BCAS3: variants seen among roughly 807,000 people sequenced by gnomAD.
BCAS3 encodes the protein BCAS3 microtubule associated cell migration factor.
BCAS3 carries 53 observed loss-of-function variants against 116.1 expected under a neutral mutation model. The observed-to-expected ratio is 0.46, with a 90% CI of 0.37 to 0.57. The LOEUF (loss-of-function observed/expected upper bound fraction) is 0.57, where lower values mean the gene tolerates loss of function less well. Among genes scored for constraint, BCAS3 ranks in the 20% least tolerant of loss-of-function variants. The pLI, the probability that BCAS3 is intolerant of heterozygous loss-of-function variation, is 0.00. For missense variants in BCAS3, 917 were observed against 1,165.4 expected (o/e 0.79, Z 3.10); for synonymous variants, 391 against 408.2 (o/e 0.96, Z 0.51).
chr17:60,880,462 T>C (rs1346940532), intron 9 of BCAS3, among the ~76,000 whole-genome samples: 1 of 152,082 alleles, frequency 6.6e-6, no homozygotes, highest in Non-Finnish European at 1.5e-5. Context: ...CTAATTTTTA[T>C]ATTTTTTAGT....
chr17:60,688,752 G>C (rs991905132), intron 3 of BCAS3, among the ~76,000 whole-genome samples: 7 of 151,366 alleles, frequency 4.6e-5, no homozygotes, highest in African/African-American at 1.7e-4. Flanking sequence ...GGAGGTGGAG[G>C]GTACAGTGAG....
intron 14 of BCAS3, among the ~76,000 whole-genome samples, chr17:60,952,507 A>G (rs2145269135): frequency 6.6e-6 from 1 of 151,894 alleles, no homozygotes; most frequent in African/African-American, 2.4e-5. Context: ...TTTAGTAGAG[A>G]CGGGGTTTCA....
intron 7 of BCAS3, among the ~76,000 whole-genome samples, chr17:60,816,455 A>G (rs1263858989): frequency 1.3e-5 from 2 of 151,652 alleles, no homozygotes; most frequent in African/African-American, 4.8e-5. Flanking sequence ...TTGTATTTTT[A>G]GTAGAGATGG....
In BCAS3 at chr17:60,905,609, G is replaced by C. The variant is rs576780638; in HGVS notation, c.822+2906G>C. On this transcript the variant is annotated intron_variant, in intron 11 of 23. Transcript: ENST00000407086. Reference sequence around the variant, plus strand: ...TGCTCGTTCTCATTTATTATGACTTGAGTCCTTGTGAAGCGGTGTCATTTG... The same window carrying C: ...TGCTCGTTCTCATTTATTATGACTTCAGTCCTTGTGAAGCGGTGTCATTTG... Among the ~76,000 whole-genome samples, 6 of 152,222 alleles carry C rather than the reference G, an allele frequency of 3.9e-5. No homozygotes were observed. The East Asian group carries it at 7.7e-4, about 20-fold the overall frequency.
chr17:60,901,389 T>C (rs1244923938), intron 10 of BCAS3, among the ~76,000 whole-genome samples: 1 of 152,206 alleles, frequency 6.6e-6, no homozygotes, highest in Non-Finnish European at 1.5e-5. Flanking sequence ...TGTGTATTTG[T>C]GGATGAATGA....
At chr17:61,067,273 GTATATATATATATATATATATATATA>G (rs1199603635) in intron 19 of BCAS3, among the ~76,000 whole-genome samples, 1,443 of 58,838 alleles carry the variant, frequency 0.025, 84 homozygotes, top group Non-Finnish European at 0.029. Context: ...GTGTGTATGT[GTATATATATATATATATATATATATA>G]TATATATATA....
chr17:60,829,812 G>A (rs1322967355), intron 7 of BCAS3, among the ~76,000 whole-genome samples: 1 of 152,046 alleles, frequency 6.6e-6, no homozygotes, highest in African/African-American at 2.4e-5. Flanking sequence ...TTAGAACAAT[G>A]TAGTAAATGT....
chr17:61,155,280 T>C (rs999507626), intron 22 of BCAS3, among the ~76,000 whole-genome samples: 4 of 152,134 alleles, frequency 2.6e-5, no homozygotes, highest in South Asian at 2.1e-4. Context: ...AGACAAATAC[T>C]AGTGGGCCAA....
At chr17:60,737,280 C>T (rs1205058134) in intron 5 of BCAS3, among the ~76,000 whole-genome samples, 1 of 152,098 alleles carries the variant, frequency 6.6e-6, no homozygotes, top group African/African-American at 2.4e-5. Context: ...TGTGCCTTCT[C>T]TGTTTCTTTT....
rs1207336830 is a variant in BCAS3, at chr17:61,362,021, GA to G, written c.2426-6303del. Among the ~76,000 whole-genome samples the G allele has an allele frequency of 6.6e-6, 1 of 152,204 alleles. No individual in the cohort carries two copies. Among genetic ancestry groups the G allele is most frequent in the Admixed American group, 6.5e-5 (1 of 15,282 alleles). On this transcript the variant is annotated intron_variant, in intron 22 of 23. Transcript: ENST00000407086. This position sits in a 1 kb window ranked among gnomAD's most constrained non-coding sequence, Gnocchi z 4.4. The stretch of plus-strand genomic sequence containing the variant: ...CAGAAACACCCCCCAGACACACCCA[GA>G]AATAAGCCTTGCTGGCTATCTGGGC...
At chr17:61,225,167 T>TTG (rs1269810276) in intron 22 of BCAS3, among the ~76,000 whole-genome samples, 1 of 151,554 alleles carries the variant, frequency 6.6e-6, no homozygotes, top group Non-Finnish European at 1.5e-5. Flanking sequence ...GCCTTTTTTT[T>TTG]TTTTTTTTAA....
chr17:61,383,698 G>A (rs1201184983), intron 23 of BCAS3: 2 of 152,298 alleles, frequency 1.3e-5, no homozygotes, highest in African/African-American at 4.8e-5. Flanking sequence ...ACGCGCGTCT[G>A]CCTGTGGAAT....
At chr17:61,044,768 C>T (rs1192336150) in intron 19 of BCAS3, among the ~76,000 whole-genome samples, 1 of 150,848 alleles carries the variant, frequency 6.6e-6, no homozygotes, top group Admixed American at 6.6e-5. Context: ...TGAAATGATG[C>T]TAAAGTCCTT....
Position 61,022,008 on chromosome 17 carries a change from G to A in BCAS3, c.1637+6107G>A, listed in dbSNP as rs115383478. 6.8e-3 allele frequency among the ~76,000 whole-genome samples: 1,037 copies of A among 152,236 alleles called. 17 individuals carry two copies. The highest frequency in any genetic ancestry group is 0.023 in the African/African-American group (975 of 41,530). ...TCCCCACCTCATGTTTCTGCCTTAT[G>A]TAAGTACCAGTTCTTCATAGCTAAG... On this transcript the variant is annotated intron_variant, in intron 16 of 23. Transcript: ENST00000407086.
chr17:61,078,951 GA>G (rs1162580780), intron 21 of BCAS3, among the ~76,000 whole-genome samples: 2 of 151,976 alleles, frequency 1.3e-5, no homozygotes, highest in Non-Finnish European at 2.9e-5. Context: ...TTTTTGGATG[GA>G]AAAACGTTGG....
chr17:60,768,590 A>C (rs995452431), intron 6 of BCAS3, among the ~76,000 whole-genome samples: 6 of 152,062 alleles, frequency 3.9e-5, no homozygotes, highest in Non-Finnish European at 5.9e-5. Context: ...ACACTTAGTA[A>C]ACTCCCCTTT....
chr17:60,718,034 GTT>G (rs1313945889), intron 5 of BCAS3, among the ~76,000 whole-genome samples: 12 of 152,164 alleles, frequency 7.9e-5, no homozygotes, highest in Non-Finnish European at 1.6e-4. Flanking sequence ...TCACGTTAGG[GTT>G]CGCGCGCCTA....
At position 61,082,498 on chromosome 17, in the gene BCAS3, C is replaced by G. The variant is rs911517130; in HGVS notation, c.2328-1969C>G. Among the ~76,000 whole-genome samples, 2 of 152,074 alleles carry G rather than the reference C, an allele frequency of 1.3e-5. No individual in the cohort carries two copies. Among genetic ancestry groups the G allele is most frequent in the African/African-American group, 4.8e-5 (2 of 41,390 alleles). On this transcript the variant is annotated intron_variant, in intron 21 of 23. Transcript: ENST00000407086. The surrounding 1 kb of genome is among the most constrained non-coding windows in gnomAD (Gnocchi z 5.1). The stretch of plus-strand genomic sequence containing the variant: ...GCTTCATCTGTAGCCCCATTCACAC[C>G]CTACCTCCAACTCTGGATTATTCAG...
At chr17:61,103,469 C>T (rs911983814) in intron 22 of BCAS3, among the ~76,000 whole-genome samples, 1 of 152,176 alleles carries the variant, frequency 6.6e-6, no homozygotes, top group Non-Finnish European at 1.5e-5. Flanking sequence ...ATGAAATTAA[C>T]TCCCTAAGTC....
Sources: gnomAD v4.1 joint callset for allele counts (sites outside exome capture counted in the v4.1 genomes callset) on GRCh38, gnomAD v4.1.1 for gene constraint, Gnocchi (gnomAD v3.1) non-coding constraint, MANE v1.5 for transcripts, NCBI Gene and HGNC (gene_info 2026-07-23, HGNC 2026-07-21) for gene names.